The following CDON variants were observed in gnomAD, a reference collection of about 807,000 sequenced individuals.
CDON encodes the protein cell adhesion associated, oncogene regulated, also known as cell adhesion molecule-related/down-regulated by oncogenes.
CDON carries 73 observed loss-of-function variants against 120.9 expected under a neutral mutation model. The observed-to-expected ratio is 0.60, with a 90% CI of 0.50 to 0.73. The LOEUF (loss-of-function observed/expected upper bound fraction) is 0.73. CDON is among the 30% of genes least tolerant of loss of function. CDON has a pLI of 0.00. For missense variants in CDON, 1,470 were observed against 1,587.3 expected (o/e 0.93, Z 1.26); for synonymous variants, 566 against 573.5 (o/e 0.99, Z 0.19).
intron 1 of CDON, among the ~76,000 whole-genome samples, chr11:126,036,311 A>G (rs1948095702): frequency 6.6e-6 from 1 of 152,192 alleles, no homozygotes; most frequent in Admixed American, 6.5e-5. Context: ...CCAAAAAATC[A>G]ATTTCCAAAA....
intron 1 of CDON, among the ~76,000 whole-genome samples, chr11:126,054,516 TGA>T (rs1332514101): frequency 1.3e-5 from 2 of 152,192 alleles, no homozygotes; most frequent in Non-Finnish European, 1.5e-5. Context: ...TCCCTGAACT[TGA>T]GAGTCATTGA....
chr11:126,042,496 T>C (rs1000659845), intron 1 of CDON, among the ~76,000 whole-genome samples: 4 of 152,238 alleles, frequency 2.6e-5, no homozygotes, highest in Non-Finnish European at 1.5e-5. Flanking sequence ...CAGAAACATA[T>C]ATTTTTTTTA....
intron 1 of CDON, among the ~76,000 whole-genome samples, chr11:126,058,886 G>A (rs1341676343): frequency 6.6e-6 from 1 of 152,134 alleles, no homozygotes; most frequent in Admixed American, 6.5e-5. Flanking sequence ...AATGTTTTTG[G>A]CAGATAGATT....
chr11:125,984,711 A>G (rs1261733202), intron 15 of CDON, among the ~76,000 whole-genome samples: 1 of 152,096 alleles, frequency 6.6e-6, no homozygotes, highest in African/African-American at 2.4e-5. Flanking sequence ...AAAAAAAAAA[A>G]AAAGTATTTC....
chr11:125,984,557 C>T (rs903745668), intron 15 of CDON, among the ~76,000 whole-genome samples: 1 of 152,016 alleles, frequency 6.6e-6, no homozygotes, highest in African/African-American at 2.4e-5. Context: ...ATTAGCTGGG[C>T]GTGGCGGTGG....
chr11:125,968,117 T>TA (rs1345199234), intron 18 of CDON, among the ~76,000 whole-genome samples: 1 of 152,176 alleles, frequency 6.6e-6, no homozygotes, highest in Non-Finnish European at 1.5e-5. Context: ...AAAATGCATA[T>TA]ACACATATTT....
intron 7 of CDON, chr11:126,010,904 C>T (rs112817711): frequency 1.6e-5 from 10 of 620,514 alleles, no homozygotes; most frequent in African/African-American, 3.6e-5. Flanking sequence ...ACATTTCCTA[C>T]GTAAATTTCC....
At chr11:125,994,684 A>G (rs1946728530) in intron 13 of CDON, among the ~76,000 whole-genome samples, 187 bp downstream of exon 13, 1 of 152,218 alleles carries the variant, frequency 6.6e-6, no homozygotes, top group African/African-American at 2.4e-5. Context: ...AGGAAACAAT[A>G]ATTTTCCTTT....
Position 126,059,071 on chromosome 11 carries a change from TAAAAC to T in CDON, c.-62+3503_-62+3507del, listed in dbSNP as rs544093463. 3.3e-3 allele frequency among the ~76,000 whole-genome samples: 500 copies of T among 152,360 alleles called. 6 individuals carry two copies. Among genetic ancestry groups the T allele is most frequent in the African/African-American group, 0.011 (440 of 41,584 alleles). On this transcript the variant is annotated intron_variant, in intron 1 of 19. Transcript: ENST00000531738. ...CAATAGTAAACTAAAATATGCCTATTAAAACAAGCATTTCATCACTGCAAAACCAT... is the reference window on the plus strand; with the variant it reads ...CAATAGTAAACTAAAATATGCCTATTAAGCATTTCATCACTGCAAAACCAT...
At chr11:126,062,274 C>G (rs1457979217) in intron 1 of CDON, among the ~76,000 whole-genome samples, 2 of 152,270 alleles carry the variant, frequency 1.3e-5, no homozygotes, top group African/African-American at 2.4e-5. Context: ...GCTCCCCGCT[C>G]TGCGGCATCT....
chr11:125,957,847 G>C lies in CDON; in HGVS notation c.*3095C>G, dbSNP rs924376955. 6.6e-6 allele frequency: 1 copy of C among 152,174 alleles called. No homozygotes were observed. Among genetic ancestry groups the C allele is most frequent in the Non-Finnish European group, 1.5e-5 (1 of 68,046 alleles). 9.4% of individuals were successfully genotyped at this position (152,174 alleles called of 1,614,324 possible). A position where few individuals can be genotyped will look rare whatever the true frequency, so the allele number is the denominator to read the frequency against. On this transcript the variant is annotated 3_prime_UTR_variant, in exon 20 of 20. Coordinates refer to ENST00000531738, the MANE Select transcript of CDON (RefSeq NM_001378964.1). ...GGCAGCACCTGTCACCAGACTGTCA[G>C]TGCAAAACTGAAAGAAAAACATTAA...
intron 11 of CDON, among the ~76,000 whole-genome samples, chr11:126,001,408 T>C (rs1946941561): frequency 6.6e-6 from 1 of 152,030 alleles, no homozygotes; most frequent in Non-Finnish European, 1.5e-5. Flanking sequence ...CCCAGGCTAG[T>C]CTCAAACTCC....
chr11:126,009,144 G>A (rs1288547933), intron 8 of CDON, among the ~76,000 whole-genome samples: 1 of 152,176 alleles, frequency 6.6e-6, no homozygotes, highest in Non-Finnish European at 1.5e-5. Flanking sequence ...CACAGCCCAC[G>A]TGCTCAGCCT....
At chr11:125,989,324 C>T (rs1946560104) in intron 15 of CDON, among the ~76,000 whole-genome samples, 1 of 152,066 alleles carries the variant, frequency 6.6e-6, no homozygotes, top group South Asian at 2.1e-4. Context: ...TCACCTGAGG[C>T]CAGGAGTTCG....
intron 1 of CDON, among the ~76,000 whole-genome samples, chr11:126,062,189 G>C (rs1185860885): frequency 6.6e-6 from 1 of 152,144 alleles, no homozygotes. Flanking sequence ...ACTGTCTCTC[G>C]CGGGCGCTCT....
intron 8 of CDON, among the ~76,000 whole-genome samples, chr11:126,008,729 C>T (rs1947202259): frequency 6.6e-6 from 1 of 152,208 alleles, no homozygotes; most frequent in Non-Finnish European, 1.5e-5. Context: ...CAGAGCCACT[C>T]TTATTTTTGC....
At chr11:126,015,834 A>G (rs1314914114) in intron 6 of CDON, among the ~76,000 whole-genome samples, 1 of 152,232 alleles carries the variant, frequency 6.6e-6, no homozygotes, top group African/African-American at 2.4e-5. Context: ...TCAGGTGATT[A>G]GCTTGAAATA....
chr11:126,021,659 T>A, intron 2 of CDON, 139 bp from the exon 3 acceptor site: 4 of 808,462 alleles, frequency 4.9e-6, no homozygotes, highest in Non-Finnish European at 7.6e-6. Context: ...TGGTTCTTGA[T>A]GCTTGTAAAA....
chr11:125,985,810 C>G (rs568630), intron 15 of CDON, among the ~76,000 whole-genome samples: 33,323 of 149,204 alleles, frequency 0.22, 3,887 homozygotes, highest in Non-Finnish European at 0.24. Flanking sequence ...AAAAAGTCAG[C>G]AAACAACAGG....
Sources: gnomAD v4.1 joint callset for allele counts (sites outside exome capture counted in the v4.1 genomes callset) on GRCh38, gnomAD v4.1.1 for gene constraint, MANE v1.5 for transcripts, NCBI Gene and HGNC (gene_info 2026-07-23, HGNC 2026-07-21) for gene names.